The following KLHL5 variants were observed in gnomAD, a reference collection of about 807,000 sequenced individuals.
KLHL5 encodes kelch-like protein 5.
A neutral mutation model predicts 77.7 loss-of-function variants in KLHL5; 48 were observed. The ratio of observed to expected loss-of-function variants is 0.62; its 90% confidence interval spans 0.49 to 0.79. KLHL5 has a LOEUF of 0.79. Ranked by LOEUF, KLHL5 falls within the 30% of genes least tolerant of loss-of-function variation. KLHL5 has a pLI of 0.00. For synonymous variants in KLHL5, 260 were observed against 297.0 expected, an observed-to-expected ratio of 0.88 and a Z score of 1.28; for missense variants, 723 against 859.7, an observed-to-expected ratio of 0.84 and a Z score of 1.99.
chr4:39,056,947 G>A (rs1262731731), intron 1 of KLHL5, among the ~76,000 whole-genome samples: 2 of 152,162 alleles, frequency 1.3e-5, no homozygotes, highest in South Asian at 2.1e-4. Context: ...AGTTTGAGCT[G>A]TGCCTCTCAC....
the KLHL5 span, among the ~76,000 whole-genome samples, chr4:39,141,304 C>CTTTTTT: frequency 3.7e-4 from 28 of 75,612 alleles, no homozygotes; most frequent in Admixed American, 5.5e-4. Flanking sequence ...ATTTTTTAGT[C>CTTTTTT]TTTTTTTTTT....
chr4:39,045,312 G>C (rs949228479), intron 1 of KLHL5, among the ~76,000 whole-genome samples: 1 of 150,566 alleles, frequency 6.6e-6, no homozygotes. Context: ...TCGAACCCCG[G>C]CCCGGCCTCC....
chr4:39,065,138 G>A (rs968911518), intron 1 of KLHL5, among the ~76,000 whole-genome samples: 2 of 152,088 alleles, frequency 1.3e-5, no homozygotes, highest in Admixed American at 1.3e-4. Context: ...TCCTTTGTGT[G>A]TATATTCTTT....
In KLHL5 at chr4:39,062,631, C is replaced by T. The variant is rs138581573; in HGVS notation, c.-22C>T. On this transcript the variant is annotated 5_prime_UTR_variant, in exon 1 of 11. In the 5' UTR this introduces an upstream ATG that the reference lacks. Transcript: ENST00000504108. ...CAGTGCTTTTTGCCCGTTGCCTAGA[C>T]GATCACTTGGTTTCTCTGAGGATGT... The T allele has an allele frequency of 4.8e-5, 78 of 1,614,098 alleles. No homozygotes were observed. Among genetic ancestry groups the T allele is most frequent in the Middle Eastern group, 3.3e-4 (2 of 6,062 alleles).
In KLHL5 at chr4:39,062,781, A is replaced by G. The variant is rs571468291; in HGVS notation, c.129A>G (p.Gly43=). The G allele has an allele frequency of 2.5e-6, 4 of 1,614,190 alleles. No homozygotes were observed. The East Asian group carries it at 8.9e-5, about 36-fold the overall frequency. The change falls in exon 1 of 11, where the codon GGA becomes GGG. Residue 43 remains glycine (G), a synonymous_variant. Transcript: ENST00000504108. ...AGCAGGGAGAATTTTGGAACCGAGGACAGACTGGAGCAAACGGTGGGAGAA... is the reference window on the plus strand; with the variant it reads ...AGCAGGGAGAATTTTGGAACCGAGGGCAGACTGGAGCAAACGGTGGGAGAA... ...DSQQGEFWNR[G]QTGANGGRKF...
chr4:39,063,129 A>G, intron 1 of KLHL5, 94 bp downstream of exon 1: 1 of 848,938 alleles, frequency 1.2e-6, no homozygotes, highest in Non-Finnish European at 1.7e-6. Flanking sequence ...AAATCTGATT[A>G]TATATGTACA....
chr4:39,105,024 A>G (rs990146842), intron 7 of KLHL5, among the ~76,000 whole-genome samples: 2 of 152,118 alleles, frequency 1.3e-5, no homozygotes, highest in Admixed American at 1.3e-4. Context: ...CAGCCTCCCA[A>G]AGTGCTGGGA....
chr4:39,049,801 G>A lies in KLHL5; in HGVS notation c.-95+4705G>A, dbSNP rs546272236. Among the ~76,000 whole-genome samples the A allele has an allele frequency of 2.0e-5, 3 of 152,250 alleles. No homozygotes were observed. In the South Asian group the frequency reaches 6.2e-4, roughly 32 times the overall value. ...AAAAGATAAATGAGGGTCGGGCATA[G>A]TGGCTCACGCTTTTAATCCCAGCAC... is the stretch of plus-strand genomic sequence containing the variant. On this transcript the variant is annotated intron_variant, in intron 1 of 11. Transcript: ENST00000261425.
At chr4:39,064,200 C>G (rs113854396) in intron 1 of KLHL5, among the ~76,000 whole-genome samples, 298 of 152,170 alleles carry the variant, frequency 2.0e-3, no homozygotes, top group African/African-American at 5.5e-3. Context: ...AATGTTTACT[C>G]TAGTCATCTG....
chr4:39,045,312 G>A (rs949228479), intron 1 of KLHL5, among the ~76,000 whole-genome samples: 1 of 150,566 alleles, frequency 6.6e-6, no homozygotes, highest in East Asian at 1.9e-4. Flanking sequence ...TCGAACCCCG[G>A]CCCGGCCTCC....
upstream of KLHL5, among the ~76,000 whole-genome samples, chr4:39,058,571 C>T (rs901492498): frequency 6.6e-6 from 1 of 152,002 alleles, no homozygotes; most frequent in Non-Finnish European, 1.5e-5. Flanking sequence ...GAGCTGAGAT[C>T]GAGCTACTGC....
At chr4:39,108,968 T>TA (rs1722244903) in intron 8 of KLHL5, among the ~76,000 whole-genome samples, 1 of 152,214 alleles carries the variant, frequency 6.6e-6, no homozygotes, top group Non-Finnish European at 1.5e-5. Flanking sequence ...TTACCTTTTC[T>TA]TGCCCTCTAA....
At chr4:39,069,965 TC>T (rs1170882305) in intron 1 of KLHL5, among the ~76,000 whole-genome samples, 1 of 152,194 alleles carries the variant, frequency 6.6e-6, no homozygotes, top group Admixed American at 6.6e-5. Context: ...AATTCTGTTT[TC>T]CTTTGTGATG....
intron 8 of KLHL5, among the ~76,000 whole-genome samples, chr4:39,109,732 C>A (rs1577734349): frequency 6.6e-6 from 1 of 150,604 alleles, no homozygotes; most frequent in African/African-American, 2.4e-5. Flanking sequence ...GCTCACTGCA[C>A]CCTCCACCTC....
intron 1 of KLHL5, among the ~76,000 whole-genome samples, chr4:39,056,227 A>G (rs992472388): frequency 6.6e-6 from 1 of 152,182 alleles, no homozygotes; most frequent in Non-Finnish European, 1.5e-5. Context: ...GGTTCAAGTG[A>G]TCCTCCTGCC....
Position 39,076,027 on chromosome 4 carries a change from A to T in KLHL5, c.446A>T (p.Glu149Val). The T allele has an allele frequency of 6.2e-7, 1 of 1,612,806 alleles. No homozygotes were observed. Among genetic ancestry groups the T allele is most frequent in the South Asian group, 1.1e-5 (1 of 90,722 alleles). The change falls in exon 2 of 11, where the codon GAA (glutamate) becomes GTA (valine). Residue 149 changes from glutamate to valine, a missense_variant. Coordinates refer to ENST00000504108, the MANE Select transcript of KLHL5 (RefSeq NM_015990.5). ...CHTMEPCTSDEFFQALNHAEQ... is the reference protein window; with the variant it reads ...CHTMEPCTSDVFFQALNHAEQ... The stretch of plus-strand genomic sequence containing the variant: ...ACTATGGAGCCATGTACATCAGATG[A>T]ATTTTTCCAAGCCCTTAATCATGCC...
chr4:39,108,566 G>A (rs3796509), intron 8 of KLHL5, among the ~76,000 whole-genome samples: 2 of 151,756 alleles, frequency 1.3e-5, no homozygotes, highest in Admixed American at 1.3e-4. Flanking sequence ...TCTATTTTTT[G>A]ATACTTTTTG....
At chr4:39,095,577 AG>A (rs1241648235) in intron 5 of KLHL5, among the ~76,000 whole-genome samples, 3 of 151,994 alleles carry the variant, frequency 2.0e-5, no homozygotes, top group African/African-American at 7.2e-5. Context: ...TTTTAGTAGC[AG>A]AAAAAAGTAT....
chr4:39,062,581 T>G lies in KLHL5; in HGVS notation c.-72T>G. 1 of 1,614,164 alleles carries G rather than the reference T, an allele frequency of 6.2e-7. No individual in the cohort carries two copies. Among genetic ancestry groups the G allele is most frequent in the Non-Finnish European group, 8.5e-7 (1 of 1,180,008 alleles). ...CAGCAGGGCATATACTTCTCTTGTCTTGGTTGGATGCACAAATCTGTGTGC... is the reference window on the plus strand; with the variant it reads ...CAGCAGGGCATATACTTCTCTTGTCGTGGTTGGATGCACAAATCTGTGTGC... On this transcript the variant is annotated 5_prime_UTR_variant, in exon 1 of 11. Coordinates refer to ENST00000504108, the MANE Select transcript of KLHL5 (RefSeq NM_015990.5).
Sources: allele counts gnomAD v4.1 joint callset (sites outside exome capture counted in the v4.1 genomes callset), GRCh38; gene constraint gnomAD v4.1.1; transcripts MANE v1.5; gene names NCBI Gene and HGNC (gene_info 2026-07-23, HGNC 2026-07-21).